TNN: variants seen among roughly 807,000 people sequenced by gnomAD.
TNN encodes the protein tenascin N.
In TNN, 122 loss-of-function variants were observed where a neutral mutation model predicts 134.4. The ratio of observed to expected loss-of-function variants is 0.91; its 90% CI spans 0.78 to 1.06. TNN has a LOEUF of 1.06. TNN is among the 50% of genes least tolerant of loss of function. TNN has a pLI of 0.00. For missense variants in TNN, 1,739 were observed against 1,699.4 expected (o/e 1.02, Z -0.41); for synonymous variants, 710 against 670.3 (o/e 1.06, Z -0.91).
In TNN at chr1:175,094,734, C is replaced by T. The variant is rs117505558; in HGVS notation, c.1588+481C>T. ...TTCAGAAGCCATGAGGGTTCTCATA[C>T]TTCACCCAGTCATTCTGCTCAGTTT... On this transcript the variant is annotated intron_variant, in intron 7 of 18. Transcript: ENST00000239462. Among the ~76,000 whole-genome samples, 9 of 152,344 alleles carry T rather than the reference C, an allele frequency of 5.9e-5. No individual in the cohort carries two copies. In the East Asian group the frequency reaches 1.5e-3, roughly 26 times the overall value.
chr1:175,083,852 G>A lies in TNN; in HGVS notation c.1151G>A (p.Arg384Gln), dbSNP rs766664939. 6.8e-6 allele frequency: 11 copies of A among 1,614,098 alleles called. No homozygotes were observed. The highest frequency in any genetic ancestry group is 2.2e-5 in the East Asian group (1 of 44,892). The change falls in exon 5 of 19, where the codon CGA becomes CAA. Residue 384 changes from arginine (R) to glutamine (Q), a missense_variant. Coordinates refer to ENST00000239462, the MANE Select transcript of TNN (RefSeq NM_022093.2). ...PSTEVDYYKL[R>Q]YGPMTGQEVA... Reference sequence around the variant, plus strand: ...ACTGAGGTGGACTACTACAAGCTGCGATATGGCCCCATGACAGGACAGGAG... The same window carrying A: ...ACTGAGGTGGACTACTACAAGCTGCAATATGGCCCCATGACAGGACAGGAG...
At chr1:175,137,933 A>G (rs1297059458) in intron 17 of TNN, among the ~76,000 whole-genome samples, 4 of 152,224 alleles carry the variant, frequency 2.6e-5, no homozygotes, top group Non-Finnish European at 5.9e-5. Context: ...AGAAACATAA[A>G]CAGTTACAGG....
At chr1:175,143,447 G>A (rs1675985395) in intron 17 of TNN, among the ~76,000 whole-genome samples, 1 of 152,114 alleles carries the variant, frequency 6.6e-6, no homozygotes, top group African/African-American at 2.4e-5. Context: ...TTCCAGATGG[G>A]ATGTAATGAA....
intron 11 of TNN, among the ~76,000 whole-genome samples, chr1:175,119,915 G>T (rs1675306499): frequency 6.6e-6 from 1 of 152,194 alleles, no homozygotes; most frequent in Admixed American, 6.5e-5. Context: ...TGGGATTACA[G>T]GCATGAGCCA....
At chr1:175,125,817 C>T (rs1224825371) in intron 12 of TNN, among the ~76,000 whole-genome samples, 91 of 123,642 alleles carry the variant, frequency 7.4e-4, no homozygotes, top group Middle Eastern at 4.1e-3. Flanking sequence ...TTCCCTCCCT[C>T]CCTCCTTTCT....
At position 175,123,472 on chromosome 1, in the gene TNN, T is replaced by A; in HGVS notation, c.2723T>A (p.Val908Asp). 6 of 1,614,200 alleles carry A rather than the reference T, an allele frequency of 3.7e-6. No individual in the cohort carries two copies. Among genetic ancestry groups the A allele is most frequent in the Non-Finnish European group, 5.1e-6 (6 of 1,180,042 alleles). Residue 908 changes from valine (V) to aspartate (D), a missense_variant, in exon 12 of 19, where the codon GTT becomes GAT. Val to Asp is a radical substitution (Grantham distance 152, BLOSUM62 -3). Coordinates refer to ENST00000239462, the MANE Select transcript of TNN (RefSeq NM_022093.2). ...ATGGCCACTGTCTCCTGGGACCCGG[T>A]TCAGGCCACCATTGACAAGTACATG... Reference protein sequence around the residue: ...ENMATVSWDPVQATIDKYMVR... With the variant: ...ENMATVSWDPDQATIDKYMVR...
chr1:175,078,535 T>C (rs1473937444), intron 2 of TNN, among the ~76,000 whole-genome samples: 1 of 152,122 alleles, frequency 6.6e-6, no homozygotes, highest in Non-Finnish European at 1.5e-5. Context: ...CTGAAGGAAT[T>C]GCTATGGTAA....
chr1:175,112,878 C>A (rs1396366728), intron 9 of TNN, among the ~76,000 whole-genome samples: 1 of 151,980 alleles, frequency 6.6e-6, no homozygotes, highest in Non-Finnish European at 1.5e-5. Flanking sequence ...CTGCCTCGAC[C>A]TCCCAAAGTG....
intron 15 of TNN, among the ~76,000 whole-genome samples, chr1:175,130,291 T>G (rs1675642000): frequency 6.6e-6 from 1 of 152,208 alleles, no homozygotes; most frequent in Non-Finnish European, 1.5e-5. Flanking sequence ...AATAAAAAGA[T>G]ACCATCTGAT....
At chr1:175,101,922 T>C (rs917979278) in intron 9 of TNN, among the ~76,000 whole-genome samples, 2 of 138,340 alleles carry the variant, frequency 1.4e-5, no homozygotes, top group African/African-American at 2.7e-5. Flanking sequence ...AGAGTGCCGA[T>C]TGATGTATTA....
rs187064631 is a variant in TNN at position 175,094,196 on chromosome 1, G to A, written c.1531G>A (p.Val511Met). The A allele has an allele frequency of 4.3e-6, 7 of 1,613,684 alleles. No homozygotes were observed. The East Asian group carries it at 6.7e-5, about 15-fold the overall frequency. The change falls in exon 7 of 19, where the codon GTG becomes ATG. Residue 511 changes from valine to methionine, a missense_variant. Transcript: ENST00000239462. ...GCCAGGAGAGGCATACAAGGTCTAC[G>A]TGTGGGCTGAAAGGGGCAACCAGGG... is the stretch of plus-strand genomic sequence containing the variant. ...LKPGEAYKVYVWAERGNQGSK... is the reference protein window; with the variant it reads ...LKPGEAYKVYMWAERGNQGSK...
chr1:175,071,638 TATAAC>T (rs1464753351), intron 1 of TNN, among the ~76,000 whole-genome samples: 1 of 152,172 alleles, frequency 6.6e-6, no homozygotes, highest in Admixed American at 6.5e-5. Context: ...ATACAGGACA[TATAAC>T]AGACAGATGA....
intron 9 of TNN, 50 bp from the exon 10 acceptor site, chr1:175,116,889 T>A (rs761671821): frequency 6.2e-7 from 1 of 1,613,596 alleles, no homozygotes. Context: ...CAGATCTCAC[T>A]CTTTGGTACC....
At chr1:175,123,058 A>G (rs957571270) in intron 11 of TNN, among the ~76,000 whole-genome samples, 2 of 152,230 alleles carry the variant, frequency 1.3e-5, no homozygotes, top group Non-Finnish European at 2.9e-5. Context: ...AATTCTGTGA[A>G]ACAAAATAAC....
At chr1:175,144,592 C>A in intron 18 of TNN, 42 bp downstream of exon 18, 1 of 1,593,774 alleles carries the variant, frequency 6.3e-7, no homozygotes, top group East Asian at 2.2e-5. Flanking sequence ...AGGGTATGTC[C>A]ATATTCAGCT....
Position 175,102,250 on chromosome 1 carries a change from C to T in TNN, c.2119+3655C>T, listed in dbSNP as rs910443760. Among the ~76,000 whole-genome samples the T allele has an allele frequency of 3.4e-5, 5 of 146,464 alleles. 1 individual carries two copies. In the East Asian group the frequency reaches 6.9e-4, roughly 20 times the overall value. ...CCAGCTGGCTTCACCCAGTGGATCCCGCACTGGGGCTGCAGGTGGAGCTGT... is the reference window on the plus strand; with the variant it reads ...CCAGCTGGCTTCACCCAGTGGATCCTGCACTGGGGCTGCAGGTGGAGCTGT... On this transcript the variant is annotated intron_variant, in intron 9 of 18. Coordinates refer to ENST00000239462, the MANE Select transcript of TNN (RefSeq NM_022093.2).
In TNN at chr1:175,126,499, C is replaced by T. The variant is rs180838807; in HGVS notation, c.2915-456C>T. 9.7e-4 allele frequency among the ~76,000 whole-genome samples: 147 copies of T among 152,274 alleles called. 1 individual carries two copies. Among genetic ancestry groups the T allele is most frequent in the Middle Eastern group, 3.4e-3 (1 of 294 alleles). On this transcript the variant is annotated intron_variant, in intron 12 of 18. Transcript: ENST00000239462. Reference sequence around the variant, plus strand: ...GCTGTATGTAAGTCTTGGGTAGTTTCCCAGTGACAGGCATTGGGGCCCATC... The same window carrying T: ...GCTGTATGTAAGTCTTGGGTAGTTTTCCAGTGACAGGCATTGGGGCCCATC...
chr1:175,088,195 G>A (rs55808408), intron 6 of TNN, among the ~76,000 whole-genome samples: 1 of 152,016 alleles, frequency 6.6e-6, no homozygotes, highest in East Asian at 1.9e-4. Context: ...CCCTTGTTAG[G>A]GGGGTGGGTA....
rs2149426908 is a variant in TNN, at chr1:175,079,433, C to G, written c.510C>G (p.Ala170=). Residue 170 remains alanine (A), a synonymous_variant, in exon 3 of 19, where the codon GCC becomes GCG. Transcript: ENST00000239462. ...AGGGCCCCGCCTGCGAGCGGCTGGC[C>G]TGCCCCGGGGCGTGCAGCGGCCACG... The part of the protein sequence containing the change: ...GREGPACERL[A]CPGACSGHGR... The G allele has an allele frequency of 6.3e-7, 1 of 1,583,878 alleles. No individual in the cohort carries two copies. Among genetic ancestry groups the G allele is most frequent in the East Asian group, 2.3e-5 (1 of 43,142 alleles).
Sources: gnomAD v4.1 joint callset for allele counts (sites outside exome capture counted in the v4.1 genomes callset) on GRCh38, gnomAD v4.1.1 for gene constraint, MANE v1.5 for transcripts, NCBI Gene and HGNC (gene_info 2026-07-23, HGNC 2026-07-21) for gene names.